CRAT: variants seen among roughly 807,000 people sequenced by gnomAD.
CRAT encodes the protein carnitine acetylase.
Under a neutral mutation model 73.7 loss-of-function variants are expected in CRAT, and 66 were observed. The observed-to-expected ratio is 0.90, with a 90% CI of 0.73 to 1.10. CRAT has a LOEUF of 1.10. Among genes scored for constraint, CRAT ranks in the 50% least tolerant of loss-of-function variants. The pLI is 0.00. For missense variants in CRAT, 745 were observed against 846.9 expected (o/e 0.88, Z 1.49); for synonymous variants, 321 against 343.2 (o/e 0.94, Z 0.71).
intron 8 of CRAT, 51 bp downstream of exon 8, chr9:129,099,815 C>T (rs376994333): frequency 6.4e-6 from 9 of 1,398,640 alleles, no homozygotes; most frequent in Non-Finnish European, 9.1e-6. Context: ...ACCTGTGTGT[C>T]ACCTGTCACT....
rs1169988356 is a variant in CRAT at position 129,110,769 on chromosome 9, G to C, written c.-260C>G. The C allele has an allele frequency of 5.3e-6, 3 of 562,252 alleles. No homozygotes were observed. The highest frequency in any genetic ancestry group is 8.9e-6 in the Non-Finnish European group (3 of 336,122). 34.8% of individuals were successfully genotyped at this position (562,252 alleles called of 1,614,324 possible). ...GGGCCCCGGGCGGGCAACGGTGCCCGGGAGGTTGGCTGTGGGGCGGGGACG... is the reference window on the plus strand; with the variant it reads ...GGGCCCCGGGCGGGCAACGGTGCCCCGGAGGTTGGCTGTGGGGCGGGGACG... On this transcript the variant is annotated 5_prime_UTR_variant, in exon 1 of 14. Transcript: ENST00000318080. The surrounding 1 kb of genome is among the most constrained non-coding windows in gnomAD (Gnocchi z 5.3).
At chr9:129,096,256 G>C (rs1186848196) in intron 12 of CRAT, 121 bp from the exon 13 acceptor site, 1 of 1,275,462 alleles carries the variant, frequency 7.8e-7, no homozygotes, top group Admixed American at 1.9e-5. Flanking sequence ...CACAAGACCA[G>C]AGTATTCTGG....
chr9:129,102,166 G>GA, intron 5 of CRAT, 109 bp from the exon 6 acceptor site: 1 of 1,336,472 alleles, frequency 7.5e-7, no homozygotes, highest in Non-Finnish European at 1.0e-6. Flanking sequence ...GGAGGGGATG[G>GA]AGTCAGGCCA....
At chr9:129,096,305 G>T (rs1344819544) in intron 12 of CRAT, among the ~76,000 whole-genome samples, 170 bp from the exon 13 acceptor site, 1 of 152,268 alleles carries the variant, frequency 6.6e-6, no homozygotes, top group Non-Finnish European at 1.5e-5. Flanking sequence ...GGAAACCAAG[G>T]CTCAGGGAGG....
chr9:129,098,174 C>T lies in CRAT; in HGVS notation c.1329-26G>A, dbSNP rs1169418126. The T allele has an allele frequency of 3.1e-6, 5 of 1,613,212 alleles. No individual in the cohort carries two copies. The Admixed American group carries it at 8.3e-5, about 27-fold the overall frequency. On this transcript the variant is annotated intron_variant, in intron 10 of 13. Coordinates refer to ENST00000318080, the MANE Select transcript of CRAT (RefSeq NM_000755.5). ...CTGGTGGGAAATGGGGCTAAGCACG[C>T]CCCTTGGAGGCGGGCACCCCCTCCC...
Position 129,110,644 on chromosome 9 carries a change from C to T in CRAT, c.-135G>A. 9.0e-7 allele frequency: 1 copy of T among 1,115,266 alleles called. No individual in the cohort carries two copies. The highest frequency in any genetic ancestry group is 1.2e-6 in the Non-Finnish European group (1 of 834,490). The allele number at this position is 1,115,266 out of a possible 1,614,324, so 69.1% of individuals were successfully genotyped here. A position where few individuals can be genotyped will look rare whatever the true frequency, so the allele number is the denominator to read the frequency against. On this transcript the variant is annotated 5_prime_UTR_variant, in exon 1 of 14. Transcript: ENST00000318080. The surrounding 1 kb of genome is among the most constrained non-coding windows in gnomAD (Gnocchi z 5.3). The stretch of plus-strand genomic sequence containing the variant: ...GCCAAGGTCGCTGAGTTACAGCCGC[C>T]AGCCGGTAGAGGCAGCCCCGCGCCC...
chr9:129,104,668 A>C (rs1284408800), intron 2 of CRAT, among the ~76,000 whole-genome samples: 2 of 148,444 alleles, frequency 1.3e-5, no homozygotes, highest in African/African-American at 5.0e-5. Flanking sequence ...GCAGTGGCGC[A>C]ATCTCGGCTC....
chr9:129,104,367 C>T, intron 2 of CRAT, 61 bp from the exon 3 acceptor site: 2 of 1,387,310 alleles, frequency 1.4e-6, no homozygotes, highest in East Asian at 2.3e-5. Flanking sequence ...CCCTGTTCCC[C>T]AGGGCTAGGG....
chr9:129,096,096 G>A lies in CRAT; in HGVS notation c.1567C>T (p.Leu523=), dbSNP rs762922665. The change falls in exon 13 of 14, where the codon CTG becomes TTG. Residue 523 remains leucine, a synonymous_variant. Transcript: ENST00000318080. The part of the protein sequence containing the change: ...GEAFDRHLLG[L]KLQAIEDLVS... ...AGGTCCTCGATGGCCTGCAGCTTCAGGCCCAGCAGGTGTCGATCAAAGGCC... is the reference window on the plus strand; with the variant it reads ...AGGTCCTCGATGGCCTGCAGCTTCAAGCCCAGCAGGTGTCGATCAAAGGCC... The A allele has an allele frequency of 2.2e-5, 36 of 1,613,760 alleles. No homozygotes were observed. The highest frequency in any genetic ancestry group is 3.0e-5 in the Non-Finnish European group (35 of 1,180,028).
At chr9:129,099,727 T>C (rs1471182690) in intron 8 of CRAT, 139 bp downstream of exon 8, 2 of 625,614 alleles carry the variant, frequency 3.2e-6, no homozygotes, top group African/African-American at 1.9e-5. Context: ...TGAGCCACCA[T>C]ATCTGGCTGG....
chr9:129,096,001 G>A lies in CRAT; in HGVS notation c.1662C>T (p.Ser554=). The change falls in exon 13 of 14, where the codon AGC becomes AGT. Residue 554 remains serine, a synonymous_variant. Coordinates refer to ENST00000318080, the MANE Select transcript of CRAT (RefSeq NM_000755.5). The stretch of plus-strand genomic sequence containing the variant: ...GGCACCTGGGGCAGTGGCCCACCTG[G>A]CTGGTGGAGAGGTGGAAGTGCATGG... The part of the protein sequence containing the change: ...AIAMHFHLST[S]QVPAKTDCVM... 6.2e-7 allele frequency: 1 copy of A among 1,613,976 alleles called. No individual in the cohort carries two copies. The highest frequency in any genetic ancestry group is 8.5e-7 in the Non-Finnish European group (1 of 1,180,008).
At chr9:129,100,049 G>T in intron 7 of CRAT, 83 bp from the exon 8 acceptor site, 2 of 1,064,968 alleles carry the variant, frequency 1.9e-6, no homozygotes, top group Non-Finnish European at 2.9e-6. Flanking sequence ...GTTGAGGCAA[G>T]GGCCTCTCTG....
At chr9:129,097,789 T>C (rs1258202072) in intron 11 of CRAT, 5 of 607,420 alleles carry the variant, frequency 8.2e-6, no homozygotes, top group South Asian at 2.3e-5. Context: ...ATAGGGCAGT[T>C]GCTTACTGCC....
intron 13 of CRAT, 119 bp from the exon 14 acceptor site, chr9:129,095,731 C>T: frequency 2.8e-6 from 3 of 1,081,210 alleles, no homozygotes; most frequent in Non-Finnish European, 4.0e-6. Flanking sequence ...CATGGTCTGT[C>T]CCCTGCTATA....
Position 129,103,048 on chromosome 9 carries a change from A to G in CRAT, c.429T>C (p.Ile143=). The G allele has an allele frequency of 6.2e-7, 1 of 1,614,122 alleles. No homozygotes were observed. Among genetic ancestry groups the G allele is most frequent in the Non-Finnish European group, 8.5e-7 (1 of 1,179,976 alleles). Residue 143 remains isoleucine, a synonymous_variant, in exon 4 of 14, where the codon ATT becomes ATC. Coordinates refer to ENST00000318080, the MANE Select transcript of CRAT (RefSeq NM_000755.5). This position sits in a 1 kb window ranked among gnomAD's most constrained non-coding sequence, Gnocchi z 4.6. ...TGACCTTGAAATCCAACACACCCTC[A>G]ATGAGTTTGGCAGCAAATCTGGAAA... is the stretch of plus-strand genomic sequence containing the variant. The part of the protein sequence containing the change: ...QGQLRFAAKL[I]EGVLDFKVMI...
At chr9:129,101,607 A>G (rs1049018200) in intron 6 of CRAT, among the ~76,000 whole-genome samples, 2 of 152,258 alleles carry the variant, frequency 1.3e-5, no homozygotes, top group African/African-American at 4.8e-5. Context: ...TATGCCTCCT[A>G]TGAGGCACTG....
Position 129,095,205 on chromosome 9 carries a change from TG to T in CRAT, c.*191del. On this transcript the variant is annotated 3_prime_UTR_variant, in exon 14 of 14. Coordinates refer to ENST00000318080, the MANE Select transcript of CRAT (RefSeq NM_000755.5). ...CCCCAGGTCGGGCCCTGGCAGGTGC[TG>T]GGATGACCCACGGAAGGCACTTGGC... is the stretch of plus-strand genomic sequence containing the variant. 1.5e-6 allele frequency: 1 copy of T among 645,784 alleles called. No individual in the cohort carries two copies. The highest frequency in any genetic ancestry group is 2.6e-6 in the Non-Finnish European group (1 of 378,896). 40.0% of individuals were successfully genotyped at this position (645,784 alleles called of 1,614,324 possible). A position where few individuals can be genotyped will look rare whatever the true frequency, so the allele number is the denominator to read the frequency against.
intron 8 of CRAT, among the ~76,000 whole-genome samples, chr9:129,098,996 A>T (rs60145585): frequency 3.1e-4 from 47 of 149,578 alleles, no homozygotes; most frequent in Admixed American, 3.1e-3. Flanking sequence ...TTTTCTTTTG[A>T]GACAGAGTCT....
In CRAT at chr9:129,095,161, G is replaced by A. The variant is rs1308318072; in HGVS notation, c.*236C>T. The A allele has an allele frequency of 5.2e-6, 3 of 581,916 alleles. No homozygotes were observed. The highest frequency in any genetic ancestry group is 9.2e-6 in the Non-Finnish European group (3 of 327,812). 36.0% of individuals were successfully genotyped at this position (581,916 alleles called of 1,614,324 possible). On this transcript the variant is annotated 3_prime_UTR_variant, in exon 14 of 14. Coordinates refer to ENST00000318080, the MANE Select transcript of CRAT (RefSeq NM_000755.5). ...GCCAGGGGCCCGGGCCTAACGTCCT[G>A]CTCAGCCTCTGCACTCAGCCCCAGG...
Sources: allele counts gnomAD v4.1 joint callset (sites outside exome capture counted in the v4.1 genomes callset), GRCh38; gene constraint gnomAD v4.1.1; non-coding constraint Gnocchi (gnomAD v3.1); transcripts MANE v1.5; gene names NCBI Gene and HGNC (gene_info 2026-07-23, HGNC 2026-07-21).